ZSCAN5A: variants seen among roughly 807,000 people sequenced by gnomAD.
The protein encoded by ZSCAN5A is zinc finger and SCAN domain containing 5A.
In ZSCAN5A, 12 loss-of-function variants were observed where a neutral mutation model predicts 23.7. The observed-to-expected ratio is 0.51, with a 90% CI of 0.32 to 0.82. The LOEUF is 0.82. Ranked by LOEUF, ZSCAN5A falls within the 40% of genes least tolerant of loss-of-function variation. The pLI is 0.03. For missense variants in ZSCAN5A, 597 were observed against 617.9 expected, an observed-to-expected ratio of 0.97 and a Z score of 0.36; for synonymous variants, 257 against 239.9, an observed-to-expected ratio of 1.07 and a Z score of -0.66.
At chr19:56,301,744 T>G (rs73618161) in intron 2 of ZSCAN5A, among the ~76,000 whole-genome samples, 1,890 of 152,124 alleles carry the variant, frequency 0.012, 39 homozygotes, top group African/African-American at 0.042. Context: ...GTCTTGGATG[T>G]GAGGTGGGAG....
chr19:56,243,335 T>C (rs904709385), intron 2 of ZSCAN5A, among the ~76,000 whole-genome samples: 2 of 152,174 alleles, frequency 1.3e-5, no homozygotes, highest in African/African-American at 4.8e-5. Context: ...CTTAGTGCCA[T>C]GAAATTGTGC....
At chr19:56,356,352 G>C (rs527292879) in intron 2 of ZSCAN5A, among the ~76,000 whole-genome samples, 1 of 148,698 alleles carries the variant, frequency 6.7e-6, no homozygotes, top group Non-Finnish European at 1.5e-5. Context: ...AAGAAAGGCA[G>C]TTGTTACTCC....
At chr19:56,334,575 A>G (rs139399882) in intron 2 of ZSCAN5A, among the ~76,000 whole-genome samples, 32 of 152,308 alleles carry the variant, frequency 2.1e-4, no homozygotes, top group African/African-American at 7.5e-4. Context: ...TGGGGTATCC[A>G]TCACCCCAAG....
chr19:56,361,859 T>TA (rs1450032765), intron 2 of ZSCAN5A, among the ~76,000 whole-genome samples: 2 of 151,656 alleles, frequency 1.3e-5, no homozygotes, highest in Admixed American at 6.6e-5. Context: ...CTCTGGAACT[T>TA]AAAAAAACAA....
chr19:56,234,135 G>C (rs892180), intron 2 of ZSCAN5A, among the ~76,000 whole-genome samples: 109,619 of 152,016 alleles, frequency 0.72, 39,723 homozygotes, highest in East Asian at 0.79. Context: ...CAGCCAATTC[G>C]TCAGTGAATG....
upstream of ZSCAN5A, among the ~76,000 whole-genome samples, chr19:56,319,499 A>G (rs564752393): frequency 1.1e-3 from 60 of 54,946 alleles, no homozygotes; most frequent in East Asian, 4.2e-3. Context: ...CCATCTCGGG[A>G]AAAAAAAAAA....
At chr19:56,358,015 G>T (rs2041709077) in intron 2 of ZSCAN5A, among the ~76,000 whole-genome samples, 1 of 148,954 alleles carries the variant, frequency 6.7e-6, no homozygotes. Context: ...AAAAGACAAA[G>T]AAGGGCATTA....
intron 2 of ZSCAN5A, among the ~76,000 whole-genome samples, chr19:56,337,674 G>C (rs1457924790): frequency 6.6e-6 from 1 of 152,144 alleles, no homozygotes; most frequent in Non-Finnish European, 1.5e-5. Flanking sequence ...TGTCTTCTGC[G>C]TCACTCATGC....
At position 56,302,544 on chromosome 19, in the gene ZSCAN5A, C is replaced by T. The variant is rs546641670; in HGVS notation, c.-128+10739G>A. On this transcript the variant is annotated intron_variant, in intron 2 of 5. Transcript: ENST00000683990. Reference sequence around the variant, plus strand: ...TCCCTCCCTCCCTCTTCTTCCTCCCCGTTCCTCCCTCCCTCCCCCCTTCCT... The same window carrying T: ...TCCCTCCCTCCCTCTTCTTCCTCCCTGTTCCTCCCTCCCTCCCCCCTTCCT... Among the ~76,000 whole-genome samples, 313 of 58,818 alleles carry T rather than the reference C, an allele frequency of 5.3e-3. 5 individuals carry two copies. Among genetic ancestry groups the T allele is most frequent in the Non-Finnish European group, 0.011 (246 of 23,346 alleles). 38.6% of individuals were successfully genotyped at this position (58,818 alleles called of 152,430 possible). A position where few individuals can be genotyped will look rare whatever the true frequency, so the allele number is the denominator to read the frequency against.
chr19:56,320,044 G>T, intron 2 of ZSCAN5A: 1 of 802,894 alleles, frequency 1.2e-6, no homozygotes. Context: ...AGCCTTTCTG[G>T]TCTGCATCAG....
chr19:56,243,038 CA>C (rs1372999393), intron 2 of ZSCAN5A, among the ~76,000 whole-genome samples: 3 of 152,164 alleles, frequency 2.0e-5, no homozygotes, highest in Non-Finnish European at 4.4e-5. Context: ...CTTGGCCTCC[CA>C]AAGTGTTGGG....
intron 2 of ZSCAN5A, among the ~76,000 whole-genome samples, chr19:56,331,233 T>C (rs4801705): frequency 0.32 from 49,177 of 152,084 alleles, 12,567 homozygotes; most frequent in African/African-American, 0.71. Context: ...AATGTGATGC[T>C]TCCAGCTTTG....
At chr19:56,273,401 C>T (rs764193062) in intron 2 of ZSCAN5A, among the ~76,000 whole-genome samples, 2 of 152,200 alleles carry the variant, frequency 1.3e-5, no homozygotes, top group African/African-American at 2.4e-5. Context: ...CCCATTTCCT[C>T]ATTCGATCCA....
rs113849192 is a variant in ZSCAN5A at position 56,260,503 on chromosome 19, C to T, written c.-127-35330G>A. ...TGCTGGGATTCCAGGCATGAGCCAC[C>T]GCGCCTGGGCTTTTTTTTACATTTT... On this transcript the variant is annotated intron_variant, in intron 2 of 5. Coordinates refer to ENST00000683990, the MANE Select transcript of ZSCAN5A (RefSeq NM_001322064.3). Among the ~76,000 whole-genome samples, 472 of 152,108 alleles carry T rather than the reference C, an allele frequency of 3.1e-3. 3 individuals are homozygous for T. Among genetic ancestry groups the T allele is most frequent in the African/African-American group, 0.011 (454 of 41,538 alleles).
chr19:56,309,691 GCAGCC>G (rs2040910782), intron 2 of ZSCAN5A, among the ~76,000 whole-genome samples: 1 of 152,288 alleles, frequency 6.6e-6, no homozygotes, highest in East Asian at 1.9e-4. Context: ...GCTAGGGGGT[GCAGCC>G]CAGCCAGGCC....
At position 56,225,206 on chromosome 19, in the gene ZSCAN5A, A is replaced by C. The variant is rs1369335648; in HGVS notation, c.-127-33T>G. Reference sequence around the variant, plus strand: ...GGAAAAGTATGAGCCTCATTAGTTTAAGTTACTACTCCATCCATCCCTCCC... The same window carrying C: ...GGAAAAGTATGAGCCTCATTAGTTTCAGTTACTACTCCATCCATCCCTCCC... On this transcript the variant is annotated intron_variant, in intron 2 of 5. Coordinates refer to ENST00000683990, the MANE Select transcript of ZSCAN5A (RefSeq NM_001322064.3). 4.9e-6 allele frequency: 7 copies of C among 1,419,938 alleles called. No homozygotes were observed. In the East Asian group the frequency reaches 1.8e-4, roughly 36 times the overall value. The allele number at this position is 1,419,938 out of a possible 1,614,324, so 88.0% of individuals were successfully genotyped here.
intron 2 of ZSCAN5A, among the ~76,000 whole-genome samples, chr19:56,253,075 G>A (rs1208633003): frequency 3.9e-5 from 6 of 152,204 alleles, no homozygotes; most frequent in Non-Finnish European, 7.3e-5. Flanking sequence ...CACTGAACCT[G>A]TGGACTTAGA....
At chr19:56,288,618 T>C (rs1218644686) in intron 2 of ZSCAN5A, among the ~76,000 whole-genome samples, 1 of 152,196 alleles carries the variant, frequency 6.6e-6, no homozygotes, top group Non-Finnish European at 1.5e-5. Context: ...CTCCATACCT[T>C]GCGTGATGCC....
intron 2 of ZSCAN5A, among the ~76,000 whole-genome samples, chr19:56,323,725 G>GACCC: frequency 6.6e-6 from 1 of 150,922 alleles, no homozygotes; most frequent in Non-Finnish European, 1.5e-5. Flanking sequence ...TAGTAGAGAT[G>GACCC]GGGTTTCTCC....
Sources: allele counts gnomAD v4.1 joint callset (sites outside exome capture counted in the v4.1 genomes callset), GRCh38; gene constraint gnomAD v4.1.1; transcripts MANE v1.5; gene names NCBI Gene and HGNC (gene_info 2026-07-23, HGNC 2026-07-21).